The following TUT4 variants were observed in gnomAD, a reference collection of about 807,000 sequenced individuals.
TUT4 encodes terminal uridylyltransferase 4.
TUT4 carries 36 observed loss-of-function variants against 192.2 expected under a neutral mutation model. That is an observed-to-expected ratio of 0.19 (90% confidence interval 0.14 to 0.25). The LOEUF (loss-of-function observed/expected upper bound fraction) is 0.25, where lower values mean the gene tolerates loss of function less well. Ranked by LOEUF, TUT4 falls within the 10% of genes least tolerant of loss-of-function variation. The pLI is 1.00. For synonymous variants in TUT4, 618 were observed against 666.0 expected (o/e 0.93, Z 1.11); for missense variants, 1,493 against 1,957.2 (o/e 0.76, Z 4.47).
intron 16 of TUT4, 128 bp from the exon 17 acceptor site, chr1:52,461,897 C>T (rs898911877): frequency 2.6e-5 from 15 of 586,778 alleles, no homozygotes; most frequent in Middle Eastern, 4.8e-4. Context: ...CTTGCTACTC[C>T]AAGTAAGTGA....
At chr1:52,515,181 G>A (rs930765130) in intron 3 of TUT4, 5 of 152,184 alleles carry the variant, frequency 3.3e-5, no homozygotes, top group African/African-American at 1.2e-4. Flanking sequence ...AGATACCAAT[G>A]GCTAGGATAG....
intron 1 of TUT4, among the ~76,000 whole-genome samples, chr1:52,534,519 T>C (rs1307667760): frequency 6.6e-6 from 1 of 151,994 alleles, no homozygotes; most frequent in Non-Finnish European, 1.5e-5. Context: ...ATTTGAAATA[T>C]CTTTATTGTA....
intron 8 of TUT4, 25 bp downstream of exon 8, chr1:52,490,707 A>G (rs1557830984): frequency 6.3e-7 from 1 of 1,579,218 alleles, no homozygotes; most frequent in East Asian, 2.3e-5. Context: ...GTTTTTTTAA[A>G]TATTTTATCT....
chr1:52,475,099 C>A lies in TUT4; in HGVS notation c.2460G>T (p.Ala820=), dbSNP rs41294516. ...PKLDKKQDDL[A]PSETCLKKEL... The stretch of plus-strand genomic sequence containing the variant: ...CTTTTTTTAAACAAGTTTCTGAAGG[C>A]GCTAAATCATCTTGTTTCTTATCTA... The change falls in exon 13 of 30, where the codon GCG becomes GCT. Residue 820 remains alanine, a synonymous_variant. Coordinates refer to ENST00000257177, the MANE Select transcript of TUT4 (RefSeq NM_001009881.3). 1 of 1,614,096 alleles carries A rather than the reference C, an allele frequency of 6.2e-7. No homozygotes were observed. The highest frequency in any genetic ancestry group is 1.1e-5 in the South Asian group (1 of 91,074).
At chr1:52,450,852 A>G (rs546711371) in intron 20 of TUT4, among the ~76,000 whole-genome samples, 1 of 152,332 alleles carries the variant, frequency 6.6e-6, no homozygotes, top group East Asian at 1.9e-4. Context: ...CAAACCACCA[A>G]GAAAATCAAA....
At chr1:52,544,067 T>C (rs1027071917) in intron 1 of TUT4, among the ~76,000 whole-genome samples, 2 of 151,384 alleles carry the variant, frequency 1.3e-5, no homozygotes, top group African/African-American at 4.8e-5. Context: ...GGCAGGCAGA[T>C]CACAAGGTCA....
intron 1 of TUT4, among the ~76,000 whole-genome samples, chr1:52,532,976 T>C (rs1477892559): frequency 1.3e-5 from 2 of 152,218 alleles, no homozygotes; most frequent in African/African-American, 2.4e-5. Flanking sequence ...CATTCAACCA[T>C]CATGTTCTAA....
At chr1:52,469,811 A>C (rs1023143680) in intron 14 of TUT4, among the ~76,000 whole-genome samples, 6 of 151,754 alleles carry the variant, frequency 4.0e-5, no homozygotes, top group Admixed American at 3.3e-4. Flanking sequence ...AAATGGCTGG[A>C]ACCCAGGAGG....
rs547908613 is a variant in TUT4 at position 52,435,479 on chromosome 1, T to C, written c.4163-14A>G. 2.1e-5 allele frequency: 33 copies of C among 1,608,594 alleles called. No homozygotes were observed. The African/African-American group carries it at 3.9e-4, about 19-fold the overall frequency. On this transcript the variant is annotated splice_polypyrimidine_tract_variant and intron_variant, in intron 26 of 29. Transcript: ENST00000257177. The stretch of plus-strand genomic sequence containing the variant: ...CCAGCTGGGCTGCTAAGAGAAGGCA[T>C]CACAAAGAAAATCAACAGATAAGGA...
At chr1:52,466,678 A>ATTT (rs1215504188) in intron 15 of TUT4, among the ~76,000 whole-genome samples, 5 of 136,248 alleles carry the variant, frequency 3.7e-5, no homozygotes, top group African/African-American at 9.3e-5. Context: ...ATATATATAT[A>ATTT]TATATTTTTG....
At chr1:52,482,272 A>G (rs1198429839) in intron 9 of TUT4, among the ~76,000 whole-genome samples, 1 of 152,096 alleles carries the variant, frequency 6.6e-6, no homozygotes, top group East Asian at 1.9e-4. Flanking sequence ...TTCTATACTC[A>G]TATACAAATA....
chr1:52,452,669 G>A (rs1388781189), intron 20 of TUT4, among the ~76,000 whole-genome samples: 1 of 152,096 alleles, frequency 6.6e-6, no homozygotes, highest in Non-Finnish European at 1.5e-5. Flanking sequence ...GCCCTGATAG[G>A]GCATGAAAAC....
chr1:52,482,570 G>A (rs1406448250), intron 9 of TUT4, among the ~76,000 whole-genome samples: 1 of 152,092 alleles, frequency 6.6e-6, no homozygotes, highest in Non-Finnish European at 1.5e-5. Flanking sequence ...GGGACTACAG[G>A]CATGCACCAC....
At chr1:52,508,626 G>GGT (rs1676278706) in intron 4 of TUT4, among the ~76,000 whole-genome samples, 1 of 152,166 alleles carries the variant, frequency 6.6e-6, no homozygotes, top group Non-Finnish European at 1.5e-5. Context: ...CAATGTGTTA[G>GGT]ATTTTCTGAT....
chr1:52,538,222 C>G (rs1397515439), intron 1 of TUT4, among the ~76,000 whole-genome samples: 1 of 152,042 alleles, frequency 6.6e-6, no homozygotes, highest in Non-Finnish European at 1.5e-5. Flanking sequence ...AGCGAAAGAG[C>G]AAGACTCCAT....
At chr1:52,520,325 G>C (rs2149405521) in intron 2 of TUT4, among the ~76,000 whole-genome samples, 1 of 152,260 alleles carries the variant, frequency 6.6e-6, no homozygotes. Flanking sequence ...CTAGTAATGT[G>C]ATCTGACTCA....
intron 1 of TUT4, among the ~76,000 whole-genome samples, chr1:52,541,725 G>C (rs1482211199): frequency 6.6e-6 from 1 of 152,094 alleles, no homozygotes; most frequent in East Asian, 1.9e-4. Context: ...AAAGAAAAGA[G>C]ATAAATGGGA....
rs937685766 is a variant in TUT4 at position 52,423,454 on chromosome 1, C to G, written c.*481G>C. On this transcript the variant is annotated 3_prime_UTR_variant, in exon 30 of 30. Transcript: ENST00000257177. Reference sequence around the variant, plus strand: ...ACCTTTTAAAAAGTTTTTGGCACTACAAGGTTCTGTAAAGAATAGAAGTGA... The same window carrying G: ...ACCTTTTAAAAAGTTTTTGGCACTAGAAGGTTCTGTAAAGAATAGAAGTGA... 6.4e-6 allele frequency: 1 copy of G among 157,004 alleles called. No homozygotes were observed. The highest frequency in any genetic ancestry group is 2.4e-5 in the African/African-American group (1 of 41,420). 9.7% of individuals were successfully genotyped at this position (157,004 alleles called of 1,614,324 possible). A position where few individuals can be genotyped will look rare whatever the true frequency, so the allele number is the denominator to read the frequency against.
intron 4 of TUT4, among the ~76,000 whole-genome samples, chr1:52,498,744 G>A (rs1405841544): frequency 1.3e-5 from 2 of 150,582 alleles, no homozygotes; most frequent in African/African-American, 4.9e-5. Flanking sequence ...AAAATTAGGT[G>A]GGCATAGTAG....
Sources: allele counts gnomAD v4.1 joint callset (sites outside exome capture counted in the v4.1 genomes callset), GRCh38; gene constraint gnomAD v4.1.1; transcripts MANE v1.5; gene names NCBI Gene and HGNC (gene_info 2026-07-23, HGNC 2026-07-21).